The following SCAMP2 variants were observed in gnomAD, a reference collection of about 807,000 sequenced individuals.
SCAMP2 encodes secretory carrier membrane protein 2.
Under a neutral mutation model 44.1 loss-of-function variants are expected in SCAMP2, and 25 were observed. The ratio of observed to expected loss-of-function variants is 0.57; its 90% CI spans 0.41 to 0.79. SCAMP2 has a LOEUF of 0.79. SCAMP2 is among the 30% of genes least tolerant of loss of function. The pLI is 0.00. For synonymous variants in SCAMP2, 156 were observed against 166.0 expected, an observed-to-expected ratio of 0.94 and a Z score of 0.46; for missense variants, 355 against 411.0, an observed-to-expected ratio of 0.86 and a Z score of 1.18.
chr15:74,860,090 G>A (rs2064493086), intron 1 of SCAMP2, among the ~76,000 whole-genome samples: 2 of 152,196 alleles, frequency 1.3e-5, no homozygotes, highest in South Asian at 2.1e-4. Context: ...GCGAGACCCT[G>A]TCTCTTTTTT....
chr15:74,871,629 G>A (rs2064576026), intron 1 of SCAMP2, among the ~76,000 whole-genome samples: 1 of 152,162 alleles, frequency 6.6e-6, no homozygotes, highest in Non-Finnish European at 1.5e-5. Context: ...GTGCATGCCT[G>A]TAATCCTAGC....
rs186087696 is a variant in SCAMP2, at chr15:74,846,560, G to A, written c.735-967C>T. Among the ~76,000 whole-genome samples, 199 of 152,130 alleles carry A rather than the reference G, an allele frequency of 1.3e-3. 3 individuals carry two copies. In the East Asian group the frequency reaches 0.023, roughly 18 times the overall value. On this transcript the variant is annotated intron_variant, in intron 7 of 8. Transcript: ENST00000268099. ...GGGCGGATCACGAGGTCAGCAGATC[G>A]AGACCATCCTGGCTAACACAGTGAA... is the stretch of plus-strand genomic sequence containing the variant.
At chr15:74,863,235 C>T (rs1044683622) in intron 1 of SCAMP2, among the ~76,000 whole-genome samples, 29 of 151,838 alleles carry the variant, frequency 1.9e-4, no homozygotes, top group African/African-American at 7.0e-4. Flanking sequence ...ACCCCAGCTA[C>T]TTGGGAAGCT....
intron 1 of SCAMP2, among the ~76,000 whole-genome samples, chr15:74,862,445 G>A (rs1244235872): frequency 1.3e-5 from 2 of 150,762 alleles, no homozygotes; most frequent in Non-Finnish European, 3.0e-5. Context: ...GCACGGTGGT[G>A]CATGCCTCTA....
intron 1 of SCAMP2, among the ~76,000 whole-genome samples, chr15:74,871,445 C>T (rs1307435703): frequency 6.6e-6 from 1 of 151,004 alleles, no homozygotes; most frequent in Non-Finnish European, 1.5e-5. Flanking sequence ...CAGAGTGAGA[C>T]CCTGCCTTAA....
rs781088209 is a variant in SCAMP2 at position 74,854,013 on chromosome 15, A to G, written c.225+8T>C. ...AGAGAAAAGGCCAGAGTTCTTTGTC[A>G]GCACTACCTGGGGGGTCGGCTGGGT... On this transcript the variant is annotated splice_region_variant and intron_variant, in intron 3 of 8. Coordinates refer to ENST00000268099, the MANE Select transcript of SCAMP2 (RefSeq NM_005697.5). 1 of 1,611,424 alleles carries G rather than the reference A, an allele frequency of 6.2e-7. No individual in the cohort carries two copies. The highest frequency in any genetic ancestry group is 2.2e-5 in the East Asian group (1 of 44,882).
chr15:74,854,770 A>G, intron 1 of SCAMP2, 121 bp from the exon 2 acceptor site: 1 of 825,592 alleles, frequency 1.2e-6, no homozygotes, highest in Non-Finnish European at 2.0e-6. Flanking sequence ...GACCCTGAGA[A>G]GCCTCTCTGG....
rs2064371945 is a variant in SCAMP2 at position 74,844,343 on chromosome 15, A to T, written c.*740T>A. 6.6e-6 allele frequency: 1 copy of T among 152,300 alleles called. No homozygotes were observed. The highest frequency in any genetic ancestry group is 1.5e-5 in the Non-Finnish European group (1 of 68,114). 9.4% of individuals were successfully genotyped at this position (152,300 alleles called of 1,614,324 possible). A position where few individuals can be genotyped will look rare whatever the true frequency, so the allele number is the denominator to read the frequency against. On this transcript the variant is annotated 3_prime_UTR_variant, in exon 9 of 9. Transcript: ENST00000268099. Reference sequence around the variant, plus strand: ...GGTCCCTTCCAGTCCCCAAATCCCAACCAACGGCATTGTACATTCAGAAAG... The same window carrying T: ...GGTCCCTTCCAGTCCCCAAATCCCATCCAACGGCATTGTACATTCAGAAAG...
At position 74,850,726 on chromosome 15, in the gene SCAMP2, C is replaced by T. The variant is rs112058998; in HGVS notation, c.473-53G>A. On this transcript the variant is annotated intron_variant, in intron 5 of 8. Transcript: ENST00000268099. The stretch of plus-strand genomic sequence containing the variant: ...GACTTGTGCCACAGTGGCTGAGGGG[C>T]TCCAATGTGGCAGCCACTCCCTAGG... 15 of 1,589,342 alleles carry T rather than the reference C, an allele frequency of 9.4e-6. 1 individual carries two copies. The highest frequency in any genetic ancestry group is 9.4e-5 in the African/African-American group (7 of 74,538).
intron 1 of SCAMP2, among the ~76,000 whole-genome samples, chr15:74,871,380 T>G (rs549475873): frequency 5.3e-5 from 8 of 151,746 alleles, no homozygotes; most frequent in Admixed American, 4.6e-4. Flanking sequence ...AAATAATCAT[T>G]TGAATCCTGG....
chr15:74,865,785 CAAAAA>C (rs768984095), intron 1 of SCAMP2, among the ~76,000 whole-genome samples: 2 of 90,660 alleles, frequency 2.2e-5, no homozygotes, highest in South Asian at 4.3e-4. Flanking sequence ...CTCATTTCTC[CAAAAA>C]AAAAAAAAAA....
chr15:74,867,614 C>T (rs1448425730), intron 1 of SCAMP2, among the ~76,000 whole-genome samples: 1 of 152,216 alleles, frequency 6.6e-6, no homozygotes, highest in African/African-American at 2.4e-5. Context: ...TGGGGCCAAC[C>T]CTCTCTGGGA....
At chr15:74,851,516 C>G (rs1284293531) in intron 4 of SCAMP2, 35 bp from the exon 5 acceptor site, 1 of 1,609,914 alleles carries the variant, frequency 6.2e-7, no homozygotes, top group East Asian at 2.2e-5. Context: ...AGGTAAGGGC[C>G]CAGCCTCAGA....
rs1316478977 is a variant in SCAMP2, at chr15:74,843,881, G to C, written c.*1202C>G. The C allele has an allele frequency of 1.3e-5, 2 of 152,180 alleles. No individual in the cohort carries two copies. Among genetic ancestry groups the C allele is most frequent in the African/African-American group, 4.8e-5 (2 of 41,432 alleles). The allele number at this position is 152,180 out of a possible 1,614,324, so 9.4% of individuals were successfully genotyped here. On this transcript the variant is annotated 3_prime_UTR_variant, in exon 9 of 9. Coordinates refer to ENST00000268099, the MANE Select transcript of SCAMP2 (RefSeq NM_005697.5). ...AGTGGCTGGGGCCTGCGGCTGTCTCGGGCCCAGAGCCGGAGGCTAGTTTTG... is the reference window on the plus strand; with the variant it reads ...AGTGGCTGGGGCCTGCGGCTGTCTCCGGCCCAGAGCCGGAGGCTAGTTTTG...
intron 1 of SCAMP2, among the ~76,000 whole-genome samples, chr15:74,858,258 C>T (rs983084751): frequency 1.3e-5 from 2 of 152,056 alleles, no homozygotes; most frequent in Non-Finnish European, 1.5e-5. Context: ...GCCACTGTGT[C>T]GAGTTGTCAG....
intron 1 of SCAMP2, among the ~76,000 whole-genome samples, chr15:74,868,385 G>GTTTAGT (rs1274216871): frequency 6.6e-6 from 1 of 152,198 alleles, no homozygotes; most frequent in Non-Finnish European, 1.5e-5. Flanking sequence ...CAACTAAATG[G>GTTTAGT]TGCACTGGGA....
Position 74,854,660 on chromosome 15 carries a change from G to GA in SCAMP2, c.58-12dup, listed in dbSNP as rs759042938. The GA allele has an allele frequency of 6.9e-6, 11 of 1,603,888 alleles. No individual in the cohort carries two copies. The highest frequency in any genetic ancestry group is 8.5e-6 in the Non-Finnish European group (10 of 1,175,494). On this transcript the variant is annotated splice_polypyrimidine_tract_variant and intron_variant, in intron 1 of 8. Coordinates refer to ENST00000268099, the MANE Select transcript of SCAMP2 (RefSeq NM_005697.5). The stretch of plus-strand genomic sequence containing the variant: ...GGTCACAGAGGGATCCTGAGAAGGT[G>GA]AAAAAAAGCCCTTAGACACAGTGGA...
At chr15:74,848,417 G>C in intron 7 of SCAMP2, 183 bp downstream of exon 7, 1 of 501,616 alleles carries the variant, frequency 2.0e-6, no homozygotes, top group Non-Finnish European at 3.5e-6. Context: ...AAAAAAAAGT[G>C]AGTGGCTACT....
At chr15:74,850,274 A>C (rs1412920953) in intron 6 of SCAMP2, among the ~76,000 whole-genome samples, 1 of 152,170 alleles carries the variant, frequency 6.6e-6, no homozygotes, top group Non-Finnish European at 1.5e-5. Flanking sequence ...TCCCTTCTCT[A>C]GGTCTCCTGT....
Sources: gnomAD v4.1 joint callset for allele counts (sites outside exome capture counted in the v4.1 genomes callset) on GRCh38, gnomAD v4.1.1 for gene constraint, MANE v1.5 for transcripts, NCBI Gene and HGNC (gene_info 2026-07-23, HGNC 2026-07-21) for gene names.